Variants in UFL1 observed in about 807,000 individuals in gnomAD.
UFL1 encodes the protein UFM1 specific ligase 1.
UFL1 carries 78 observed loss-of-function variants against 99.3 expected under a neutral mutation model. That is an observed-to-expected ratio of 0.79 (90% CI 0.65 to 0.95). The LOEUF is 0.95. UFL1 is among the 40% of genes least tolerant of loss of function. The pLI, the probability that UFL1 is intolerant of heterozygous loss-of-function variation, is 0.00. For missense variants in UFL1, 936 were observed against 937.0 expected (o/e 1.00, Z 0.01); for synonymous variants, 335 against 322.2 (o/e 1.04, Z -0.42).
rs112572878 is a variant in UFL1, at chr6:96,554,283, T to C, written c.*780T>C. 55 of 152,274 alleles carry C rather than the reference T, an allele frequency of 3.6e-4. No individual in the cohort carries two copies. Among genetic ancestry groups the C allele is most frequent in the African/African-American group, 1.3e-3 (53 of 41,564 alleles). 9.4% of individuals were successfully genotyped at this position (152,274 alleles called of 1,614,324 possible). ...ATACAAAGATTTTTCTTTGACCCAG[T>C]TTGCATTTGTACATTTTATTTTTTT... is the stretch of plus-strand genomic sequence containing the variant. On this transcript the variant is annotated 3_prime_UTR_variant, in exon 19 of 19. Coordinates refer to ENST00000369278, the MANE Select transcript of UFL1 (RefSeq NM_015323.5).
At chr6:96,536,814 T>C (rs1010791206) in intron 8 of UFL1, among the ~76,000 whole-genome samples, 1 of 151,798 alleles carries the variant, frequency 6.6e-6, no homozygotes, top group Non-Finnish European at 1.5e-5. Context: ...TTTTCAGATA[T>C]ATCATCTTAG....
intron 9 of UFL1, among the ~76,000 whole-genome samples, 161 bp downstream of exon 9, chr6:96,537,710 C>T (rs913617130): frequency 2.0e-5 from 3 of 151,766 alleles, no homozygotes; most frequent in African/African-American, 4.8e-5. Context: ...TAAAGTCTTT[C>T]GGGTGACCTT....
intron 6 of UFL1, among the ~76,000 whole-genome samples, chr6:96,530,229 C>T (rs1487815048): frequency 6.6e-6 from 1 of 152,134 alleles, no homozygotes; most frequent in East Asian, 1.9e-4. Context: ...AGATCACAGG[C>T]TGATTATTTT....
intron 11 of UFL1, 152 bp downstream of exon 11, chr6:96,540,807 TAA>T (rs944571468): frequency 5.1e-5 from 45 of 884,318 alleles, no homozygotes; most frequent in East Asian, 9.2e-5. Context: ...GCTAATGTGT[TAA>T]GTTTTATATA....
chr6:96,526,440 T>C lies in UFL1; in HGVS notation c.465+5T>C, dbSNP rs1334836695. On this transcript the variant is annotated splice_donor_5th_base_variant and intron_variant, in intron 5 of 18. Transcript: ENST00000369278. ...CCTGGGAACTTTCTGACACAGGTATTTTTTTTCCTAATAATACAATGTGTC... is the reference window on the plus strand; with the variant it reads ...CCTGGGAACTTTCTGACACAGGTATCTTTTTTCCTAATAATACAATGTGTC... The C allele has an allele frequency of 6.2e-7, 1 of 1,605,546 alleles. No homozygotes were observed.
intron 9 of UFL1, 97 bp downstream of exon 9, chr6:96,537,646 T>C: frequency 1.6e-6 from 2 of 1,289,594 alleles, no homozygotes; most frequent in Non-Finnish European, 1.0e-6. Context: ...AAAGGTGGTC[T>C]TGGCTTTGGA....
In UFL1 at chr6:96,548,067, T is replaced by G. The variant is rs972653035; in HGVS notation, c.1403-97T>G. 3.7e-5 allele frequency: 28 copies of G among 755,642 alleles called. No individual in the cohort carries two copies. In the South Asian group the frequency reaches 4.6e-4, roughly 12 times the overall value. 46.8% of individuals were successfully genotyped at this position (755,642 alleles called of 1,614,324 possible). On this transcript the variant is annotated intron_variant, in intron 12 of 18. Transcript: ENST00000369278. ...ATTAACAATTGAGTAATGAATGAAT[T>G]ATTGTCTTACTAAATATAGTAATGG...
At chr6:96,544,594 A>C (rs1769975614) in intron 12 of UFL1, among the ~76,000 whole-genome samples, 1 of 151,072 alleles carries the variant, frequency 6.6e-6, no homozygotes, top group African/African-American at 2.4e-5. Context: ...TGAGATAGGT[A>C]GAAATAACTA....
At chr6:96,528,680 GTTTGCAT>G (rs1489573375) in intron 6 of UFL1, 48 bp downstream of exon 6, 2 of 1,521,432 alleles carry the variant, frequency 1.3e-6, no homozygotes, top group African/African-American at 2.8e-5. Flanking sequence ...TTTGATCATG[GTTTGCAT>G]TTTTTTCCTA....
In UFL1 at chr6:96,526,448, C is replaced by T. The variant is rs1276412462; in HGVS notation, c.465+13C>T. On this transcript the variant is annotated intron_variant, in intron 5 of 18. Coordinates refer to ENST00000369278, the MANE Select transcript of UFL1 (RefSeq NM_015323.5). The stretch of plus-strand genomic sequence containing the variant: ...CTTTCTGACACAGGTATTTTTTTTC[C>T]TAATAATACAATGTGTCTTTTTACC... 1.9e-6 allele frequency: 3 copies of T among 1,593,346 alleles called. No homozygotes were observed. Among genetic ancestry groups the T allele is most frequent in the Non-Finnish European group, 2.6e-6 (3 of 1,165,814 alleles).
At chr6:96,540,316 T>G (rs924054903) in intron 10 of UFL1, among the ~76,000 whole-genome samples, 4 of 151,344 alleles carry the variant, frequency 2.6e-5, no homozygotes, top group African/African-American at 9.7e-5. Flanking sequence ...GGATTTCTCA[T>G]TAGTTAATAA....
At chr6:96,553,162 C>A in intron 18 of UFL1, 123 bp from the exon 19 acceptor site, 1 of 838,012 alleles carries the variant, frequency 1.2e-6, no homozygotes, top group Non-Finnish European at 1.8e-6. Context: ...AGACTTGCTA[C>A]TTACATGGCC....
intron 16 of UFL1, 43 bp downstream of exon 16, chr6:96,551,556 T>C (rs1770080371): frequency 7.7e-7 from 1 of 1,299,766 alleles, no homozygotes; most frequent in Non-Finnish European, 1.1e-6. Flanking sequence ...GGCTAGCAGT[T>C]TGTTACAAAG....
rs2127953751 is a variant in UFL1, at chr6:96,551,490, C to T, written c.1876C>T (p.Leu626Phe). Residue 626 changes from leucine (L) to phenylalanine (F), a missense_variant, in exon 16 of 19, where the codon CTC becomes TTC. Leu to Phe is a conservative substitution (Grantham distance 22). Coordinates refer to ENST00000369278, the MANE Select transcript of UFL1 (RefSeq NM_015323.5). ...SEETKVALTK[L>F]HNSLNEKSIE... ...AGAAACCAAAGTAGCTCTTACAAAA[C>T]TCCATAACTCTCTGAATGAAAAGGT... is the stretch of plus-strand genomic sequence containing the variant. 1 of 1,529,864 alleles carries T rather than the reference C, an allele frequency of 6.5e-7. No individual in the cohort carries two copies. The highest frequency in any genetic ancestry group is 8.8e-7 in the Non-Finnish European group (1 of 1,135,484). The allele number at this position is 1,529,864 out of a possible 1,614,324, so 94.8% of individuals were successfully genotyped here. A position where few individuals can be genotyped will look rare whatever the true frequency, so the allele number is the denominator to read the frequency against.
chr6:96,527,393 A>G (rs1374148113), intron 5 of UFL1, among the ~76,000 whole-genome samples: 2 of 152,128 alleles, frequency 1.3e-5, no homozygotes, highest in Non-Finnish European at 2.9e-5. Context: ...AGTTCTTTTT[A>G]TATTTACTGA....
At position 96,552,466 on chromosome 6, in the gene UFL1, T is replaced by C. The variant is rs374628458; in HGVS notation, c.1986-16T>C. ...AAATTATGATAATGAATTTGTGTGC[T>C]TTTTTTTTTTTTTAGACAGATACTG... On this transcript the variant is annotated splice_polypyrimidine_tract_variant and intron_variant, in intron 17 of 18. Transcript: ENST00000369278. The C allele has an allele frequency of 4.5e-3, 974 of 217,110 alleles. 3 individuals carry two copies. Among genetic ancestry groups the C allele is most frequent in the African/African-American group, 0.021 (850 of 41,078 alleles). 13.4% of individuals were successfully genotyped at this position (217,110 alleles called of 1,614,324 possible).
chr6:96,540,071 A>G (rs1185657128), intron 10 of UFL1, among the ~76,000 whole-genome samples: 2 of 48,150 alleles, frequency 4.2e-5, no homozygotes, highest in South Asian at 5.8e-4. Context: ...CAGAGGGGGG[A>G]AAAAAAGATT....
rs377227964 is a variant in UFL1, at chr6:96,531,415, C to CT, written c.596+2784dup. Among the ~76,000 whole-genome samples the CT allele has an allele frequency of 1.6e-3, 251 of 152,306 alleles. 1 individual carries two copies. Among genetic ancestry groups the CT allele is most frequent in the African/African-American group, 5.4e-3 (224 of 41,576 alleles). ...GCTTTGTTCACTGACTAAGAAAAAT[C>CT]TAACTCCTATTATCCTTAATGTATT... On this transcript the variant is annotated intron_variant, in intron 6 of 18. Transcript: ENST00000369278.
At chr6:96,533,313 G>A (rs9373907) in intron 6 of UFL1, among the ~76,000 whole-genome samples, 76,591 of 151,758 alleles carry the variant, frequency 0.5, 23,208 homozygotes, top group East Asian at 0.66. Context: ...AATGTTCATA[G>A]GAGCATTATC....
Sources: allele counts gnomAD v4.1 joint callset (sites outside exome capture counted in the v4.1 genomes callset), GRCh38; gene constraint gnomAD v4.1.1; transcripts MANE v1.5; gene names NCBI Gene and HGNC (gene_info 2026-07-23, HGNC 2026-07-21).